PCED1B: variants seen among roughly 807,000 people sequenced by gnomAD.
PCED1B encodes the protein PC-esterase domain containing 1B.
For missense variants in PCED1B, 573 were observed against 573.9 expected (o/e 1.00, Z 0.02); for synonymous variants, 251 against 246.1 (o/e 1.02, Z -0.19).
chr12:47,138,233 G>A (rs1940462322), intron 2 of PCED1B: 1 of 152,098 alleles, frequency 6.6e-6, no homozygotes, highest in Non-Finnish European at 1.5e-5. Flanking sequence ...TTTCCATTTG[G>A]TGCCTGCTTC....
chr12:47,192,760 C>G (rs1051154908), intron 2 of PCED1B, among the ~76,000 whole-genome samples: 2 of 152,170 alleles, frequency 1.3e-5, no homozygotes, highest in African/African-American at 4.8e-5. Flanking sequence ...TGCTGTGTAA[C>G]AGGCACTGTG....
chr12:47,158,612 T>G (rs1349381945), intron 2 of PCED1B, among the ~76,000 whole-genome samples: 1 of 152,204 alleles, frequency 6.6e-6, no homozygotes, highest in African/African-American at 2.4e-5. Context: ...TGTATTTTAC[T>G]CTGTTGATAC....
chr12:47,098,314 G>T (rs1938564199), intron 1 of PCED1B, among the ~76,000 whole-genome samples: 1 of 152,186 alleles, frequency 6.6e-6, no homozygotes, highest in Non-Finnish European at 1.5e-5. Flanking sequence ...ACCAGCGAGG[G>T]CTGAGGTTGG....
At chr12:47,167,608 C>T (rs1941587240) in intron 2 of PCED1B, among the ~76,000 whole-genome samples, 2 of 152,192 alleles carry the variant, frequency 1.3e-5, no homozygotes, top group Middle Eastern at 3.4e-3. Context: ...GAAAAGCAAC[C>T]CTACAATGAA....
rs146495856 is a variant in PCED1B, at chr12:47,094,171, A to G, written c.-608-9942A>G. ...TTTCCTATTGGACTTATTTATTTAT[A>G]ATTATGAACTGTCTCACTTTATCTC... On this transcript the variant is annotated intron_variant, in intron 1 of 3. Coordinates refer to ENST00000546455, the MANE Select transcript of PCED1B (RefSeq NM_138371.3). Among the ~76,000 whole-genome samples, 392 of 152,214 alleles carry G rather than the reference A, an allele frequency of 2.6e-3. 1 individual carries two copies. Among genetic ancestry groups the G allele is most frequent in the Admixed American group, 4.0e-3 (61 of 15,294 alleles).
chr12:47,185,138 G>T (rs1424308479), intron 2 of PCED1B, among the ~76,000 whole-genome samples: 1 of 152,182 alleles, frequency 6.6e-6, no homozygotes, highest in Non-Finnish European at 1.5e-5. Flanking sequence ...CCTTTATATG[G>T]ATTGAACTGT....
intron 2 of PCED1B, among the ~76,000 whole-genome samples, chr12:47,146,621 A>G (rs1940794267): frequency 6.6e-6 from 1 of 152,248 alleles, no homozygotes; most frequent in South Asian, 2.1e-4. Context: ...CAGCTTGCCA[A>G]TGGCTCAGAT....
chr12:47,202,921 A>G (rs1013609227), intron 2 of PCED1B, among the ~76,000 whole-genome samples: 1 of 150,052 alleles, frequency 6.7e-6, no homozygotes, highest in Non-Finnish European at 1.5e-5. Flanking sequence ...TTACCACTAT[A>G]CTTTCACCTC....
chr12:47,218,573 T>G (rs753683152), intron 3 of PCED1B, among the ~76,000 whole-genome samples: 1 of 152,004 alleles, frequency 6.6e-6, no homozygotes. Context: ...AGCCACAAAC[T>G]CCTGGGTGCA....
chr12:47,187,851 G>A (rs1453178655), intron 2 of PCED1B: 6 of 153,738 alleles, frequency 3.9e-5, no homozygotes, highest in African/African-American at 1.2e-4. Flanking sequence ...CCACCTAGAC[G>A]GGCCTGGGTC....
chr12:47,175,868 G>A (rs1052005218), intron 2 of PCED1B, among the ~76,000 whole-genome samples: 7 of 151,572 alleles, frequency 4.6e-5, no homozygotes, highest in South Asian at 2.1e-4. Flanking sequence ...CACTGTGCCC[G>A]GCCTATTTAT....
At position 47,235,518 on chromosome 12, in the gene PCED1B, A is replaced by G. The variant is rs745383672; in HGVS notation, c.455A>G (p.Gln152Arg). ...GAGAACCTGTTCCAGTGCCTGGGCCAGGTGCTGCCCGAGTCTTGCCTCCTG... is the reference window on the plus strand; with the variant it reads ...GAGAACCTGTTCCAGTGCCTGGGCCGGGTGCTGCCCGAGTCTTGCCTCCTG... ...NLENLFQCLG[Q>R]VLPESCLLVW... The change falls in exon 4 of 4, where the codon CAG (glutamine) becomes CGG (arginine). Residue 152 changes from glutamine (Q) to arginine (R), a missense_variant. Coordinates refer to ENST00000546455, the MANE Select transcript of PCED1B (RefSeq NM_138371.3). 1 of 1,612,272 alleles carries G rather than the reference A, an allele frequency of 6.2e-7. No individual in the cohort carries two copies. The highest frequency in any genetic ancestry group is 8.5e-7 in the Non-Finnish European group (1 of 1,178,808).
intron 3 of PCED1B, among the ~76,000 whole-genome samples, chr12:47,228,956 T>G (rs549548651): frequency 1.3e-5 from 2 of 151,656 alleles, no homozygotes; most frequent in Admixed American, 1.3e-4. Context: ...ATTAATTTTG[T>G]TTTAGCCAAA....
intron 2 of PCED1B, among the ~76,000 whole-genome samples, chr12:47,141,412 C>A (rs192313949): frequency 2.0e-5 from 3 of 152,274 alleles, no homozygotes; most frequent in Admixed American, 2.0e-4. Context: ...ACATTCTGTT[C>A]CTCTGTGGAC....
intron 2 of PCED1B, among the ~76,000 whole-genome samples, chr12:47,110,931 A>G (rs1471005261): frequency 6.6e-6 from 1 of 152,228 alleles, no homozygotes; most frequent in Admixed American, 6.5e-5. Flanking sequence ...TCTTCAGTTC[A>G]AAAACCATAT....
At chr12:47,144,687 G>T (rs1202033422) in intron 2 of PCED1B, among the ~76,000 whole-genome samples, 1 of 152,132 alleles carries the variant, frequency 6.6e-6, no homozygotes, top group Non-Finnish European at 1.5e-5. Flanking sequence ...GTAACTATTT[G>T]TGTATCTAAA....
intron 2 of PCED1B, among the ~76,000 whole-genome samples, chr12:47,169,065 A>G (rs1941634988): frequency 6.6e-6 from 1 of 152,258 alleles, no homozygotes; most frequent in South Asian, 2.1e-4. Flanking sequence ...GCTGTAAGAT[A>G]CAGATTAACA....
chr12:47,186,669 G>A (rs1942278656), intron 2 of PCED1B, among the ~76,000 whole-genome samples: 2 of 152,160 alleles, frequency 1.3e-5, no homozygotes, highest in South Asian at 4.1e-4. Flanking sequence ...GCCAGGAAGA[G>A]ACAAGAAAAG....
At chr12:47,185,067 T>C (rs746949388) in intron 2 of PCED1B, among the ~76,000 whole-genome samples, 2 of 152,234 alleles carry the variant, frequency 1.3e-5, no homozygotes, top group African/African-American at 2.4e-5. Flanking sequence ...CTCATGTTTG[T>C]AGCCTCATAG....
Sources: allele counts gnomAD v4.1 joint callset (sites outside exome capture counted in the v4.1 genomes callset), GRCh38; gene constraint gnomAD v4.1.1; transcripts MANE v1.5; gene names NCBI Gene and HGNC (gene_info 2026-07-23, HGNC 2026-07-21).